LAP3: variants seen among roughly 807,000 people sequenced by gnomAD.
The protein encoded by LAP3 is leucine aminopeptidase 3.
In LAP3, 46 loss-of-function variants were observed where a neutral mutation model predicts 58.8. The observed-to-expected ratio is 0.78, with a 90% CI of 0.62 to 1.00. The LOEUF is 1.00. LAP3 is among the 50% of genes least tolerant of loss of function. The pLI, the probability that LAP3 is intolerant of heterozygous loss-of-function variation, is 0.00. For missense variants in LAP3, 615 were observed against 659.1 expected, an observed-to-expected ratio of 0.93 and a Z score of 0.73; for synonymous variants, 257 against 237.7, an observed-to-expected ratio of 1.08 and a Z score of -0.75.
At chr4:17,606,752 G>A (rs1016429354) in intron 11 of LAP3, 77 bp from the exon 12 acceptor site, 7 of 818,476 alleles carry the variant, frequency 8.6e-6, no homozygotes, top group African/African-American at 1.7e-5. Flanking sequence ...CTTCCTTCAT[G>A]CATTGAGCAT....
intron 9 of LAP3, among the ~76,000 whole-genome samples, chr4:17,598,132 A>G (rs903114414): frequency 2.0e-5 from 3 of 152,142 alleles, no homozygotes; most frequent in Admixed American, 6.5e-5. Flanking sequence ...ACATTAGGTC[A>G]TCAGCTCTGG....
Position 17,583,636 on chromosome 4 carries a change from A to G in LAP3, c.533A>G (p.Tyr178Cys), listed in dbSNP as rs187267239. ...KKKMAVSAKL[Y>C]GSGDQEAWQK... ...AAGATGGCTGTGTCGGCAAAGCTCT[A>G]TGGAAGGTGATGGAAGCAAATTAGG... The change falls in exon 5 of 13, where the codon TAT becomes TGT. Residue 178 changes from tyrosine to cysteine, a missense_variant. Tyr to Cys is a radical substitution (Grantham distance 194, BLOSUM62 -2). Coordinates refer to ENST00000226299, the MANE Select transcript of LAP3 (RefSeq NM_015907.3). 2.4e-5 allele frequency: 38 copies of G among 1,612,324 alleles called. No homozygotes were observed. In the African/African-American group the frequency reaches 3.3e-4, roughly 14 times the overall value.
intron 11 of LAP3, 151 bp downstream of exon 11, chr4:17,604,818 G>A: frequency 3.1e-6 from 2 of 650,952 alleles, no homozygotes; most frequent in Non-Finnish European, 5.4e-6. Context: ...AATAGATTGA[G>A]TTCAGTGGCA....
intron 7 of LAP3, among the ~76,000 whole-genome samples, chr4:17,594,803 A>G (rs1290986284): frequency 6.6e-6 from 1 of 152,122 alleles, no homozygotes; most frequent in Non-Finnish European, 1.5e-5. Flanking sequence ...GCCTCCAGTC[A>G]TCTCTGTGAG....
chr4:17,607,645 AG>A lies in LAP3; in HGVS notation c.*58del. On this transcript the variant is annotated 3_prime_UTR_variant, in exon 13 of 13. Transcript: ENST00000226299. ...CTTAAATTGGACAGTTGAACTTAAA[AG>A]GTTTTTGAATAAATGGATGAAAATC... is the stretch of plus-strand genomic sequence containing the variant. 7.6e-7 allele frequency: 1 copy of A among 1,307,342 alleles called. No homozygotes were observed. The highest frequency in any genetic ancestry group is 1.0e-6 in the Non-Finnish European group (1 of 965,144). The allele number at this position is 1,307,342 out of a possible 1,614,324, so 81.0% of individuals were successfully genotyped here.
intron 4 of LAP3, among the ~76,000 whole-genome samples, chr4:17,582,866 C>T (rs1713402043): frequency 6.6e-6 from 1 of 152,176 alleles, no homozygotes. Flanking sequence ...TAGCATTAAG[C>T]AGCAGGACGG....
chr4:17,605,088 C>T (rs370940705), intron 11 of LAP3, among the ~76,000 whole-genome samples: 1 of 150,874 alleles, frequency 6.6e-6, no homozygotes, highest in Non-Finnish European at 1.5e-5. Context: ...CCCTTCACAG[C>T]CAGCCTCTTC....
chr4:17,586,275 G>T lies in LAP3; in HGVS notation c.704+1139G>T, dbSNP rs1229346600. On this transcript the variant is annotated intron_variant, in intron 6 of 12. Transcript: ENST00000226299. ...ACCTAAAGAATTCTTTATTGTCAAA[G>T]TTGTTTCCCAAGGGTACTTCCATTT... is the stretch of plus-strand genomic sequence containing the variant. 6.6e-5 allele frequency: 10 copies of T among 152,270 alleles called. No individual in the cohort carries two copies. The East Asian group carries it at 1.9e-3, about 29-fold the overall frequency. 9.4% of individuals were successfully genotyped at this position (152,270 alleles called of 1,614,324 possible). A position where few individuals can be genotyped will look rare whatever the true frequency, so the allele number is the denominator to read the frequency against.
At chr4:17,596,835 A>G (rs1713841936) in intron 8 of LAP3, among the ~76,000 whole-genome samples, 1 of 152,216 alleles carries the variant, frequency 6.6e-6, no homozygotes, top group African/African-American at 2.4e-5. Context: ...ATCAAGTTAG[A>G]CTTCTTTGGG....
At chr4:17,605,091 G>A (rs944115688) in intron 11 of LAP3, among the ~76,000 whole-genome samples, 1 of 150,640 alleles carries the variant, frequency 6.6e-6, no homozygotes, top group Admixed American at 6.7e-5. Context: ...TTCACAGCCA[G>A]CCTCTTCCCA....
chr4:17,589,061 T>G (rs1713609431), intron 7 of LAP3, 84 bp downstream of exon 7: 9 of 1,415,048 alleles, frequency 6.4e-6, no homozygotes, highest in Admixed American at 2.5e-5. Context: ...TTTTTTGGTT[T>G]GATTTTTTTT....
Position 17,607,713 on chromosome 4 carries a change from C to A in LAP3, c.*124C>A. On this transcript the variant is annotated 3_prime_UTR_variant, in exon 13 of 13. Coordinates refer to ENST00000226299, the MANE Select transcript of LAP3 (RefSeq NM_015907.3). The stretch of plus-strand genomic sequence containing the variant: ...GGATGGTATTTAAAAATGTAGAACA[C>A]AATGAAATTTGTATGCCTTGATTTT... The A allele has an allele frequency of 5.7e-6, 4 of 702,736 alleles. No homozygotes were observed. The highest frequency in any genetic ancestry group is 3.0e-5 in the East Asian group (1 of 33,636). 43.5% of individuals were successfully genotyped at this position (702,736 alleles called of 1,614,324 possible). A position where few individuals can be genotyped will look rare whatever the true frequency, so the allele number is the denominator to read the frequency against.
At chr4:17,585,254 AC>A in intron 6 of LAP3, 118 bp downstream of exon 6, 1 of 808,430 alleles carries the variant, frequency 1.2e-6, no homozygotes, top group Non-Finnish European at 2.0e-6. Context: ...ATTTGAGATG[AC>A]CCACTTGGGT....
At chr4:17,590,526 T>A (rs990907405) in intron 7 of LAP3, among the ~76,000 whole-genome samples, 3 of 152,212 alleles carry the variant, frequency 2.0e-5, no homozygotes, top group Non-Finnish European at 1.5e-5. Flanking sequence ...GCATGCTTTT[T>A]TATAAGTTAT....
chr4:17,583,705 G>T, intron 5 of LAP3, 63 bp downstream of exon 5: 2 of 1,585,228 alleles, frequency 1.3e-6, no homozygotes, highest in Middle Eastern at 3.4e-4. Context: ...TGGCTTTTGG[G>T]ATATGAGCTG....
chr4:17,602,142 T>G (rs746513191), intron 10 of LAP3, among the ~76,000 whole-genome samples: 5 of 152,230 alleles, frequency 3.3e-5, no homozygotes, highest in Non-Finnish European at 5.9e-5. Context: ...TCCATATGTG[T>G]GTCCTGGTAC....
chr4:17,583,634 C>G lies in LAP3; in HGVS notation c.531C>G (p.Leu177=). 5 of 1,613,186 alleles carry G rather than the reference C, an allele frequency of 3.1e-6. No individual in the cohort carries two copies. The highest frequency in any genetic ancestry group is 4.2e-6 in the Non-Finnish European group (5 of 1,180,022). Residue 177 remains leucine (L), a synonymous_variant, in exon 5 of 13, where the codon CTC becomes CTG. Transcript: ENST00000226299. ...AGAAGATGGCTGTGTCGGCAAAGCTCTATGGAAGGTGATGGAAGCAAATTA... is the reference window on the plus strand; with the variant it reads ...AGAAGATGGCTGTGTCGGCAAAGCTGTATGGAAGGTGATGGAAGCAAATTA... ...QKKKMAVSAK[L]YGSGDQEAWQ...
chr4:17,592,021 T>C (rs981616408), intron 7 of LAP3, among the ~76,000 whole-genome samples: 1 of 152,072 alleles, frequency 6.6e-6, no homozygotes, highest in Non-Finnish European at 1.5e-5. Context: ...CTTGGGAAGC[T>C]GAGGTAGGAG....
intron 7 of LAP3, among the ~76,000 whole-genome samples, chr4:17,592,971 G>C (rs1392706315): frequency 3.3e-5 from 5 of 152,124 alleles, no homozygotes; most frequent in African/African-American, 9.7e-5. Context: ...GCTAATTTTT[G>C]CATCTTTAGT....
Sources: allele counts gnomAD v4.1 joint callset (sites outside exome capture counted in the v4.1 genomes callset), GRCh38; gene constraint gnomAD v4.1.1; transcripts MANE v1.5; gene names NCBI Gene and HGNC (gene_info 2026-07-23, HGNC 2026-07-21).